The following ADGRL3 variants were observed in gnomAD, a reference collection of about 807,000 sequenced individuals.
ADGRL3 encodes the protein adhesion G protein-coupled receptor L3.
Under a neutral mutation model 153.5 loss-of-function variants are expected in ADGRL3, and 62 were observed. The ratio of observed to expected loss-of-function variants is 0.40; its 90% CI spans 0.33 to 0.50. The LOEUF (loss-of-function observed/expected upper bound fraction) is 0.50, where lower values mean the gene tolerates loss of function less well. Ranked by LOEUF, ADGRL3 falls within the 20% of genes least tolerant of loss-of-function variation. The pLI, the probability that ADGRL3 is intolerant of heterozygous loss-of-function variation, is 0.47. For synonymous variants in ADGRL3, 710 were observed against 672.5 expected, an observed-to-expected ratio of 1.06 and a Z score of -0.86; for missense variants, 1,641 against 1,859.4, an observed-to-expected ratio of 0.88 and a Z score of 2.16.
At position 61,825,013 on chromosome 4, in the gene ADGRL3, T is replaced by C. The variant is rs544756441; in HGVS notation, c.1480+11124T>C. On this transcript the variant is annotated intron_variant, in intron 9 of 26. Transcript: ENST00000683033. Reference sequence around the variant, plus strand: ...TAGCTGCTAAAAGGCATATGCTTCTTAGCATCGACACTAAGAAGCACTTGG... The same window carrying C: ...TAGCTGCTAAAAGGCATATGCTTCTCAGCATCGACACTAAGAAGCACTTGG... Among the ~76,000 whole-genome samples, 12 of 152,274 alleles carry C rather than the reference T, an allele frequency of 7.9e-5. No individual in the cohort carries two copies. In the Middle Eastern group the frequency reaches 0.01, roughly 129 times the overall value.
chr4:61,619,945 G>C (rs1357546716), intron 5 of ADGRL3, among the ~76,000 whole-genome samples: 1 of 152,078 alleles, frequency 6.6e-6, no homozygotes, highest in African/African-American at 2.4e-5. Flanking sequence ...TCTGTGTCAA[G>C]TTTCTTTTCT....
At chr4:61,523,185 G>C (rs2098541153) in intron 4 of ADGRL3, among the ~76,000 whole-genome samples, 2 of 151,976 alleles carry the variant, frequency 1.3e-5, no homozygotes, top group Non-Finnish European at 2.9e-5. Context: ...GGAAAACATG[G>C]TTCTAATTTT....
intron 2 of ADGRL3, among the ~76,000 whole-genome samples, chr4:61,419,883 C>G (rs898458232): frequency 1.3e-5 from 2 of 151,940 alleles, no homozygotes; most frequent in African/African-American, 2.4e-5. Flanking sequence ...CAGCCTCCAC[C>G]TCCGGGTTTG....
chr4:61,912,601 T>C lies in ADGRL3; in HGVS notation c.2074-118T>C, dbSNP rs146506305. 274 of 841,050 alleles carry C rather than the reference T, an allele frequency of 3.3e-4. 3 individuals carry two copies. In the East Asian group the frequency reaches 5.3e-3, roughly 16 times the overall value. The allele number at this position is 841,050 out of a possible 1,614,324, so 52.1% of individuals were successfully genotyped here. On this transcript the variant is annotated intron_variant, in intron 12 of 26. Transcript: ENST00000683033. ...TTAGCTTTCATTTTCTTCTGAAAAGTAGTGAATGACAAAATAAGGTGTTTT... is the reference window on the plus strand; with the variant it reads ...TTAGCTTTCATTTTCTTCTGAAAAGCAGTGAATGACAAAATAAGGTGTTTT...
intron 9 of ADGRL3, among the ~76,000 whole-genome samples, chr4:61,877,473 G>A (rs886451434): frequency 6.6e-6 from 1 of 152,178 alleles, no homozygotes; most frequent in Non-Finnish European, 1.5e-5. Flanking sequence ...CTTGAATGTG[G>A]TTGTGGTTAT....
intron 17 of ADGRL3, among the ~76,000 whole-genome samples, chr4:61,972,579 A>T (rs2099032525): frequency 1.3e-5 from 2 of 152,156 alleles, no homozygotes; most frequent in Non-Finnish European, 2.9e-5. Context: ...TATAGTTTGA[A>T]GTCAGGTAGC....
intron 10 of ADGRL3, among the ~76,000 whole-genome samples, 155 bp downstream of exon 10, chr4:61,893,113 TTCTTTC>T (rs1325878116): frequency 5.8e-5 from 3 of 51,876 alleles, no homozygotes; most frequent in East Asian, 5.1e-4. Context: ...CCTTCCTTCT[TTCTTTC>T]TCTCTTTCTC....
chr4:61,983,912 G>A (rs989754892), intron 19 of ADGRL3, among the ~76,000 whole-genome samples: 7 of 152,272 alleles, frequency 4.6e-5, no homozygotes, highest in Non-Finnish European at 7.4e-5. Context: ...CTAGCTGTAT[G>A]AAGAGCTATT....
chr4:61,601,781 G>A (rs964847390), intron 5 of ADGRL3, among the ~76,000 whole-genome samples: 1 of 152,244 alleles, frequency 6.6e-6, no homozygotes, highest in South Asian at 2.1e-4. Context: ...AAGATTTTCA[G>A]AGGTTCATGG....
chr4:61,246,983 A>G (rs1340529939), intron 1 of ADGRL3, among the ~76,000 whole-genome samples: 1 of 152,204 alleles, frequency 6.6e-6, no homozygotes, highest in East Asian at 1.9e-4. Context: ...ATTGAATGCT[A>G]CCACTTATGG....
intron 8 of ADGRL3, among the ~76,000 whole-genome samples, chr4:61,770,400 C>T (rs1441672777): frequency 6.6e-6 from 1 of 152,104 alleles, no homozygotes; most frequent in African/African-American, 2.4e-5. Flanking sequence ...AGATCACCCG[C>T]AGGTCCTAGA....
chr4:61,770,324 G>A (rs541923086), intron 8 of ADGRL3, among the ~76,000 whole-genome samples: 17 of 152,116 alleles, frequency 1.1e-4, no homozygotes, highest in Admixed American at 2.6e-4. Context: ...TTTTCAAAAC[G>A]CCTATTATTT....
At chr4:61,652,975 G>T (rs1472429996) in intron 5 of ADGRL3, among the ~76,000 whole-genome samples, 1 of 151,690 alleles carries the variant, frequency 6.6e-6, no homozygotes, top group South Asian at 2.1e-4. Flanking sequence ...CCTTCCCCCC[G>T]GCCATATTGA....
chr4:61,473,209 TTGTGTGTGTGTGTGTGTGTGTGTG>T (rs35633555), intron 2 of ADGRL3, among the ~76,000 whole-genome samples: 2 of 149,120 alleles, frequency 1.3e-5, no homozygotes, highest in Non-Finnish European at 3.0e-5. Context: ...TTGTATGTGT[TTGTGTGTGTGTGTGTGTGTGTGTG>T]TGTGTGTGTG....
At chr4:61,433,018 GAAAT>G (rs2097394944) in intron 2 of ADGRL3, among the ~76,000 whole-genome samples, 1 of 151,902 alleles carries the variant, frequency 6.6e-6, no homozygotes, top group Non-Finnish European at 1.5e-5. Flanking sequence ...ATAGAACAGA[GAAAT>G]AAAATTATTA....
intron 11 of ADGRL3, among the ~76,000 whole-genome samples, chr4:61,908,993 A>C (rs2098709550): frequency 6.6e-6 from 1 of 152,212 alleles, no homozygotes; most frequent in Non-Finnish European, 1.5e-5. Flanking sequence ...TCAGAGAAGA[A>C]AAATACTTGA....
At chr4:61,337,856 T>C (rs2095712272) in intron 1 of ADGRL3, among the ~76,000 whole-genome samples, 1 of 152,222 alleles carries the variant, frequency 6.6e-6, no homozygotes, top group African/African-American at 2.4e-5. Context: ...AAGGTTCTTA[T>C]ATGTATACTC....
At chr4:61,314,631 T>C (rs182682223) in intron 1 of ADGRL3, among the ~76,000 whole-genome samples, 1 of 152,314 alleles carries the variant, frequency 6.6e-6, no homozygotes, top group Non-Finnish European at 1.5e-5. Flanking sequence ...CTAACACAGT[T>C]GCAGTTGATT....
intron 25 of ADGRL3, among the ~76,000 whole-genome samples, chr4:62,065,764 TCTTA>T (rs1433563500): frequency 6.6e-6 from 1 of 152,040 alleles, no homozygotes; most frequent in African/African-American, 2.4e-5. Flanking sequence ...TGCCTTCTTG[TCTTA>T]CTTTATTTTT....
Sources: allele counts gnomAD v4.1 joint callset (sites outside exome capture counted in the v4.1 genomes callset), GRCh38; gene constraint gnomAD v4.1.1; transcripts MANE v1.5; gene names NCBI Gene and HGNC (gene_info 2026-07-23, HGNC 2026-07-21).